AGBL1: variants seen among roughly 807,000 people sequenced by gnomAD.
The protein encoded by AGBL1 is cytosolic carboxypeptidase 4.
In AGBL1, 130 loss-of-function variants were observed where a neutral mutation model predicts 118.9. The observed-to-expected ratio is 1.09, with a 90% CI of 0.95 to 1.26. AGBL1 has a LOEUF of 1.26. AGBL1 is among the 50% of genes most tolerant of loss of function. AGBL1 has a pLI of 0.00. For missense variants in AGBL1, 1,584 were observed against 1,298.1 expected, an observed-to-expected ratio of 1.22 and a Z score of -3.38; for synonymous variants, 555 against 478.9, an observed-to-expected ratio of 1.16 and a Z score of -2.08.
intron 18 of AGBL1, among the ~76,000 whole-genome samples, chr15:86,522,527 T>C (rs149975786): frequency 3.3e-5 from 5 of 152,228 alleles, no homozygotes; most frequent in Non-Finnish European, 5.9e-5. Flanking sequence ...TGGATGTATA[T>C]AATGGGGAAC....
At chr15:86,632,022 T>C (rs57428551) in intron 21 of AGBL1, among the ~76,000 whole-genome samples, 17,267 of 132,966 alleles carry the variant, frequency 0.13, 1,123 homozygotes, top group South Asian at 0.16. Context: ...GAGACCCTAT[T>C]TCCACAATTT....
At chr15:86,359,591 G>A (rs2080773958) in intron 17 of AGBL1, among the ~76,000 whole-genome samples, 1 of 151,164 alleles carries the variant, frequency 6.6e-6, no homozygotes, top group Non-Finnish European at 1.5e-5. Context: ...AAATGTCATT[G>A]GGGTTTTGAC....
At chr15:86,921,145 A>G (rs2080478147), downstream of AGBL1, among the ~76,000 whole-genome samples, 1 of 152,230 alleles carries the variant, frequency 6.6e-6, no homozygotes, top group Admixed American at 6.5e-5. Flanking sequence ...AAAAGTTGGG[A>G]CATTTCGAAG....
chr15:86,926,528 C>T (rs1885086504), intron 23 of AGBL1, among the ~76,000 whole-genome samples: 1 of 152,132 alleles, frequency 6.6e-6, no homozygotes, highest in Non-Finnish European at 1.5e-5. Context: ...TGACCCCCAA[C>T]CCAAAAGAAG....
chr15:86,825,585 A>C (rs1207244267), intron 22 of AGBL1, among the ~76,000 whole-genome samples: 1 of 150,986 alleles, frequency 6.6e-6, no homozygotes, highest in African/African-American at 2.4e-5. Flanking sequence ...GGCAAAGAGC[A>C]CATGAAAAAT....
intron 1 of AGBL1, among the ~76,000 whole-genome samples, chr15:86,125,522 A>T (rs974055422): frequency 5.3e-5 from 8 of 152,232 alleles, no homozygotes; most frequent in African/African-American, 1.9e-4. Context: ...GGCTAAATGT[A>T]TTGATGAACA....
In AGBL1 at chr15:86,715,571, A is replaced by C. The variant is rs562757206; in HGVS notation, c.3158+41135A>C. On this transcript the variant is annotated intron_variant, in intron 22 of 22. Coordinates refer to ENST00000614907, the MANE Select transcript of AGBL1 (RefSeq NM_001386094.1). The stretch of plus-strand genomic sequence containing the variant: ...GATTGATGTGGAATTGATAATTTGG[A>C]ATGAAAACTGTATTAAGCTTATTCT... Among the ~76,000 whole-genome samples the C allele has an allele frequency of 3.3e-5, 5 of 152,316 alleles. No homozygotes were observed. The East Asian group carries it at 9.6e-4, about 29-fold the overall frequency.
At chr15:86,474,602 T>G (rs1032502208) in intron 18 of AGBL1, among the ~76,000 whole-genome samples, 1 of 152,216 alleles carries the variant, frequency 6.6e-6, no homozygotes, top group African/African-American at 2.4e-5. Context: ...TGGAGCCCAC[T>G]GCAGCTCAAG....
At chr15:86,263,099 A>G (rs2079019045) in intron 10 of AGBL1, among the ~76,000 whole-genome samples, 1 of 152,236 alleles carries the variant, frequency 6.6e-6, no homozygotes, top group South Asian at 2.1e-4. Context: ...TGTATGCAAG[A>G]GTTCTTCAGT....
chr15:86,246,785 A>G (rs1170127911), intron 6 of AGBL1, among the ~76,000 whole-genome samples: 1 of 152,248 alleles, frequency 6.6e-6, no homozygotes, highest in Admixed American at 6.5e-5. Flanking sequence ...CATTCTCTTT[A>G]GAAAGGACAG....
chr15:86,864,816 T>C (rs947127663), intron 22 of AGBL1, among the ~76,000 whole-genome samples: 1 of 152,176 alleles, frequency 6.6e-6, no homozygotes, highest in African/African-American at 2.4e-5. Context: ...CAAGTCGCCC[T>C]GGATTTCATA....
chr15:86,688,003 T>G (rs1268653311), intron 22 of AGBL1, among the ~76,000 whole-genome samples: 1 of 152,146 alleles, frequency 6.6e-6, no homozygotes, highest in Non-Finnish European at 1.5e-5. Flanking sequence ...CCCAAGACCC[T>G]AACTTTTGTT....
intron 20 of AGBL1, among the ~76,000 whole-genome samples, chr15:86,549,875 GGA>G (rs1402372841): frequency 7.1e-6 from 1 of 141,576 alleles, no homozygotes; most frequent in African/African-American, 2.6e-5. Context: ...GGAAGGGTGG[GGA>G]GGGGAGTGGA....
At chr15:86,791,872 G>A (rs1476029241) in intron 22 of AGBL1, among the ~76,000 whole-genome samples, 1 of 151,894 alleles carries the variant, frequency 6.6e-6, no homozygotes, top group Non-Finnish European at 1.5e-5. Flanking sequence ...GAGTAGCTGG[G>A]ATTAAAGGTG....
At chr15:86,558,913 A>C (rs1425168498) in intron 21 of AGBL1, among the ~76,000 whole-genome samples, 1 of 152,228 alleles carries the variant, frequency 6.6e-6, no homozygotes, top group Non-Finnish European at 1.5e-5. Context: ...GGCTTAAAAC[A>C]ACATAAATCT....
At chr15:86,333,366 C>G (rs1214845023) in intron 17 of AGBL1, among the ~76,000 whole-genome samples, 1 of 152,086 alleles carries the variant, frequency 6.6e-6, no homozygotes, top group African/African-American at 2.4e-5. Context: ...CAAGTAATCC[C>G]TCAGAAATAC....
intron 24 of AGBL1, among the ~76,000 whole-genome samples, chr15:87,002,567 G>A (rs1438826461): frequency 6.6e-6 from 1 of 152,232 alleles, no homozygotes; most frequent in African/African-American, 2.4e-5. Context: ...ATTACCTTGG[G>A]CAGTATGGCC....
chr15:86,225,829 A>G (rs1363576363), intron 6 of AGBL1, among the ~76,000 whole-genome samples: 2 of 152,192 alleles, frequency 1.3e-5, no homozygotes, highest in African/African-American at 4.8e-5. Flanking sequence ...AATAAAAATA[A>G]AAACACTCTC....
chr15:86,893,138 C>T (rs8039239), intron 22 of AGBL1, among the ~76,000 whole-genome samples: 64,583 of 151,910 alleles, frequency 0.43, 13,937 homozygotes, highest in African/African-American at 0.5. Flanking sequence ...GCCAGAGTTG[C>T]GTTTCATTAG....
Sources: allele counts gnomAD v4.1 joint callset (sites outside exome capture counted in the v4.1 genomes callset), GRCh38; gene constraint gnomAD v4.1.1; transcripts MANE v1.5; gene names NCBI Gene and HGNC (gene_info 2026-07-23, HGNC 2026-07-21).